The following UGCG variants were observed in gnomAD, a reference collection of about 807,000 sequenced individuals.
The protein encoded by UGCG is UDP-glucose ceramide glucosyltransferase, also known as ceramide glucosyltransferase.
UGCG carries 10 observed loss-of-function variants against 49.5 expected under a neutral mutation model. The ratio of observed to expected loss-of-function variants is 0.20; its 90% confidence interval spans 0.12 to 0.34. The LOEUF is 0.34. Ranked by LOEUF, UGCG falls within the 10% of genes least tolerant of loss-of-function variation. The pLI is 1.00. For missense variants in UGCG, 312 were observed against 483.7 expected, an observed-to-expected ratio of 0.65 and a Z score of 3.33; for synonymous variants, 182 against 158.2, an observed-to-expected ratio of 1.15 and a Z score of -1.13.
At chr9:111,924,899 A>G (rs1457654499) in intron 4 of UGCG, 21 bp downstream of exon 4, 10 of 1,346,510 alleles carry the variant, frequency 7.4e-6, no homozygotes, top group Non-Finnish European at 9.8e-6. Flanking sequence ...TTTCTTATTT[A>G]TTTTATAAAA....
chr9:111,932,426 A>AAGTTGAAG lies in UGCG; in HGVS notation c.1014+68_1014+75dup. On this transcript the variant is annotated intron_variant, in intron 8 of 8. Transcript: ENST00000374279. Reference sequence around the variant, plus strand: ...AACTAGAACTATTTCAATTTAGAAAAAGTTGAAGGAAATGTATCTGAGCCA... The same window carrying AAGTTGAAG: ...AACTAGAACTATTTCAATTTAGAAAAAGTTGAAGAGTTGAAGGAAATGTATCTGAGCCA... The AAGTTGAAG allele has an allele frequency of 5.5e-6, 8 of 1,455,540 alleles. No homozygotes were observed. In the South Asian group the frequency reaches 1.1e-4, roughly 19 times the overall value. 90.2% of individuals were successfully genotyped at this position (1,455,540 alleles called of 1,614,324 possible). A position where few individuals can be genotyped will look rare whatever the true frequency, so the allele number is the denominator to read the frequency against.
At chr9:111,912,788 A>G (rs1040071716) in intron 1 of UGCG, among the ~76,000 whole-genome samples, 2 of 152,328 alleles carry the variant, frequency 1.3e-5, no homozygotes, top group South Asian at 4.2e-4. Context: ...ACTGCGATAG[A>G]TGGTGCTCCA....
At chr9:111,909,638 C>T (rs527648731) in intron 1 of UGCG, among the ~76,000 whole-genome samples, 10 of 152,326 alleles carry the variant, frequency 6.6e-5, no homozygotes, top group African/African-American at 2.4e-4. Flanking sequence ...ACATTCGGGG[C>T]TGTAAAGATG....
At chr9:111,913,643 T>C (rs1298905892) in intron 1 of UGCG, among the ~76,000 whole-genome samples, 1 of 150,970 alleles carries the variant, frequency 6.6e-6, no homozygotes, top group African/African-American at 2.4e-5. Context: ...TTTCAGTGTG[T>C]TGGCCAGGCT....
Position 111,897,085 on chromosome 9 carries a change from G to T in UGCG, c.-131G>T. 1 of 211,430 alleles carries T rather than the reference G, an allele frequency of 4.7e-6. No homozygotes were observed. Among genetic ancestry groups the T allele is most frequent in the Non-Finnish European group, 9.2e-6 (1 of 109,054 alleles). The allele number at this position is 211,430 out of a possible 1,614,324, so 13.1% of individuals were successfully genotyped here. A position where few individuals can be genotyped will look rare whatever the true frequency, so the allele number is the denominator to read the frequency against. ...GCCCCTTCCGTCCCCACCCCCCTCC[G>T]CCCTTTCCTCTCCCCACCTTCCTCT... On this transcript the variant is annotated 5_prime_UTR_variant, in exon 1 of 9. Coordinates refer to ENST00000374279, the MANE Select transcript of UGCG (RefSeq NM_003358.3).
At chr9:111,916,328 T>C (rs1029881463) in intron 2 of UGCG, among the ~76,000 whole-genome samples, 3 of 152,234 alleles carry the variant, frequency 2.0e-5, no homozygotes, top group African/African-American at 7.2e-5. Flanking sequence ...TTTTTAACCA[T>C]CCTCTTTCAC....
In UGCG at chr9:111,897,079, C is replaced by T. The variant is rs944815869; in HGVS notation, c.-137C>T. 8.3e-5 allele frequency: 46 copies of T among 553,618 alleles called. No homozygotes were observed. The African/African-American group carries it at 9.1e-4, about 11-fold the overall frequency. 34.3% of individuals were successfully genotyped at this position (553,618 alleles called of 1,614,324 possible). A position where few individuals can be genotyped will look rare whatever the true frequency, so the allele number is the denominator to read the frequency against. ...CTGCCCGCCCCTTCCGTCCCCACCC[C>T]CCTCCGCCCTTTCCTCTCCCCACCT... On this transcript the variant is annotated 5_prime_UTR_variant, in exon 1 of 9. Coordinates refer to ENST00000374279, the MANE Select transcript of UGCG (RefSeq NM_003358.3).
chr9:111,920,584 C>T (rs1407949173), intron 2 of UGCG, among the ~76,000 whole-genome samples: 5 of 152,062 alleles, frequency 3.3e-5, no homozygotes, highest in South Asian at 2.1e-4. Context: ...AGGCTGGCCT[C>T]GAACTCCTGA....
chr9:111,907,184 C>T (rs1837902399), intron 1 of UGCG, among the ~76,000 whole-genome samples: 1 of 152,168 alleles, frequency 6.6e-6, no homozygotes, highest in Non-Finnish European at 1.5e-5. Flanking sequence ...TAGTTGGATG[C>T]TTCCATCTCT....
chr9:111,897,397 A>T, intron 1 of UGCG, 84 bp downstream of exon 1: 1 of 1,145,088 alleles, frequency 8.7e-7, no homozygotes, highest in Non-Finnish European at 1.2e-6. Context: ...TGCGCTTTGA[A>T]GGGGACTGGG....
At position 111,929,632 on chromosome 9, in the gene UGCG, C is replaced by G; in HGVS notation, c.691C>G (p.Gln231Glu). 1 of 1,613,964 alleles carries G rather than the reference C, an allele frequency of 6.2e-7. No individual in the cohort carries two copies. The highest frequency in any genetic ancestry group is 8.5e-7 in the Non-Finnish European group (1 of 1,179,986). Residue 231 changes from glutamine (Q) to glutamate (E), a missense_variant, in exon 6 of 9, where the codon CAG becomes GAG. Physicochemically the swap from Gln to Glu is conservative, Grantham distance 29. Coordinates refer to ENST00000374279, the MANE Select transcript of UGCG (RefSeq NM_003358.3). ...AGCAGGAGGACTTATAGCTTTTGCT[C>G]AGTACATTGCCGAAGATTACTTTAT... ...DQAGGLIAFA[Q>E]YIAEDYFMAK... is the part of the protein sequence containing the mutation.
rs569789084 is a variant in UGCG at position 111,920,247 on chromosome 9, C to T, written c.241-2602C>T. Among the ~76,000 whole-genome samples the T allele has an allele frequency of 1.1e-4, 16 of 152,224 alleles. No homozygotes were observed. In the South Asian group the frequency reaches 3.3e-3, roughly 32 times the overall value. On this transcript the variant is annotated intron_variant, in intron 2 of 8. Transcript: ENST00000374279. The stretch of plus-strand genomic sequence containing the variant: ...GTATGAGGAAAATATACATTGTTTT[C>T]CTCATCGACTTAATTATTAAGAAAA...
At chr9:111,929,009 C>T (rs1313841948) in intron 5 of UGCG, among the ~76,000 whole-genome samples, 1 of 151,876 alleles carries the variant, frequency 6.6e-6, no homozygotes, top group Non-Finnish European at 1.5e-5. Context: ...CAAAAGGATG[C>T]AAGAAAAGGA....
At chr9:111,911,527 A>T (rs1837993760) in intron 1 of UGCG, among the ~76,000 whole-genome samples, 1 of 152,142 alleles carries the variant, frequency 6.6e-6, no homozygotes, top group Admixed American at 6.5e-5. Flanking sequence ...AAACAGGCAG[A>T]TGGGGGGCCA....
At chr9:111,900,752 C>A (rs1441044109) in intron 1 of UGCG, among the ~76,000 whole-genome samples, 1 of 152,156 alleles carries the variant, frequency 6.6e-6, no homozygotes, top group Non-Finnish European at 1.5e-5. Flanking sequence ...TCTTGGCTCC[C>A]AAAGTGCTGG....
chr9:111,908,721 T>C (rs1399124153), intron 1 of UGCG, among the ~76,000 whole-genome samples: 3 of 152,108 alleles, frequency 2.0e-5, no homozygotes, highest in South Asian at 2.1e-4. Flanking sequence ...TGGACACCCA[T>C]GAGAAAGCTT....
At position 111,929,597 on chromosome 9, in the gene UGCG, T is replaced by G. The variant is rs1462540660; in HGVS notation, c.656T>G (p.Val219Gly). The change falls in exon 6 of 9, where the codon GTG becomes GGG. Residue 219 changes from valine to glycine, a missense_variant. Val to Gly is a moderately radical substitution (Grantham distance 109). This residue lies in a region of UGCG where 180 missense variants were observed against 320.4 expected (regional missense o/e 0.56). Coordinates refer to ENST00000374279, the MANE Select transcript of UGCG (RefSeq NM_003358.3). The stretch of plus-strand genomic sequence containing the variant: ...ATGTCTTGTTTAATGAGAAAAGATG[T>G]GTTGGATCAAGCAGGAGGACTTATA... ...TGMSCLMRKD[V>G]LDQAGGLIAF... The G allele has an allele frequency of 6.2e-7, 1 of 1,614,060 alleles. No homozygotes were observed. The highest frequency in any genetic ancestry group is 1.7e-5 in the Admixed American group (1 of 60,014).
Position 111,932,907 on chromosome 9 carries a change from G to C in UGCG, c.1095G>C (p.Leu365Phe), listed in dbSNP as rs141089274. ...IRESMTIYIF[L>F]SALWDPTISW... Reference sequence around the variant, plus strand: ...AATCCATGACAATATACATTTTTTTGTCTGCATTATGGGACCCAACTATAA... The same window carrying C: ...AATCCATGACAATATACATTTTTTTCTCTGCATTATGGGACCCAACTATAA... The change falls in exon 9 of 9, where the codon TTG becomes TTC. Residue 365 changes from leucine (L) to phenylalanine (F), a missense_variant. Leu to Phe is a conservative substitution (Grantham distance 22). This residue lies in a region of UGCG where 180 missense variants were observed against 320.4 expected (regional missense o/e 0.56). Transcript: ENST00000374279. 6.4e-5 allele frequency: 103 copies of C among 1,612,076 alleles called. No homozygotes were observed. The highest frequency in any genetic ancestry group is 1.7e-4 in the Admixed American group (10 of 59,832).
At chr9:111,915,857 T>C in intron 2 of UGCG, 1 of 971,546 alleles carries the variant, frequency 1.0e-6, no homozygotes, top group Non-Finnish European at 1.2e-6. Flanking sequence ...ATGAGTATCA[T>C]TCAGTTGTAT....
Sources: gnomAD v4.1 joint callset for allele counts (sites outside exome capture counted in the v4.1 genomes callset) on GRCh38, gnomAD v4.1.1 for gene constraint, gnomAD v4.1.1 regional missense constraint, MANE v1.5 for transcripts, NCBI Gene and HGNC (gene_info 2026-07-23, HGNC 2026-07-21) for gene names.